Variants in MYRF observed in about 807,000 individuals in gnomAD.
MYRF encodes myelin regulatory factor.
Under a neutral mutation model 126.3 loss-of-function variants are expected in MYRF, and 16 were observed. The ratio of observed to expected loss-of-function variants is 0.13; its 90% confidence interval spans 0.09 to 0.19. MYRF has a LOEUF of 0.19. Among genes scored for constraint, MYRF ranks in the 10% least tolerant of loss-of-function variants. The probability of loss-of-function intolerance (pLI) is 1.00; values close to 1 mark genes in which losing one functional copy is unlikely to be tolerated. For missense variants in MYRF, 1,104 were observed against 1,547.0 expected, an observed-to-expected ratio of 0.71 and a Z score of 4.80; for synonymous variants, 608 against 635.3, an observed-to-expected ratio of 0.96 and a Z score of 0.65.
Position 61,776,329 on chromosome 11 carries a change from C to T in MYRF, c.1396C>T (p.Leu466=). ...CCTGCCTCTCCTCTGCAGGGTCAATCTGCCCCCTGAGCAGGTCACGAAGGT... is the reference window on the plus strand; with the variant it reads ...CCTGCCTCTCCTCTGCAGGGTCAATTTGCCCCCTGAGCAGGTCACGAAGGT... ...KRPFNPVTVN[L]PPEQVTKVTV... is the part of the protein sequence containing the mutation. The change falls in exon 10 of 27, where the codon CTG becomes TTG. Residue 466 remains leucine, a synonymous_variant. Transcript: ENST00000278836. The surrounding 1 kb of genome is among the most constrained non-coding windows in gnomAD (Gnocchi z 4.3). 1 of 1,612,546 alleles carries T rather than the reference C, an allele frequency of 6.2e-7. No individual in the cohort carries two copies. The highest frequency in any genetic ancestry group is 8.5e-7 in the Non-Finnish European group (1 of 1,179,516).
chr11:61,761,259 T>TGGC (rs1555053515), intron 1 of MYRF, among the ~76,000 whole-genome samples: 1,295 of 78,280 alleles, frequency 0.017, 19 homozygotes, highest in Middle Eastern at 0.14. Flanking sequence ...CCACAGCTGG[T>TGGC]GGGGGGGGGG....
At position 61,786,387 on chromosome 11, in the gene MYRF, A is replaced by T. The variant is rs1044394673; in HGVS notation, c.*244A>T. The T allele has an allele frequency of 3.2e-5, 18 of 566,338 alleles. No homozygotes were observed. The highest frequency in any genetic ancestry group is 1.2e-4 in the South Asian group (6 of 49,422). 35.1% of individuals were successfully genotyped at this position (566,338 alleles called of 1,614,324 possible). ...TGGGCCTTCCTGCCTGCCACCCCCTAGGGGCCAGGACAGGACCAGTTTACC... is the reference window on the plus strand; with the variant it reads ...TGGGCCTTCCTGCCTGCCACCCCCTTGGGGCCAGGACAGGACCAGTTTACC... On this transcript the variant is annotated 3_prime_UTR_variant, in exon 27 of 27. Transcript: ENST00000278836. This position sits in a 1 kb window ranked among gnomAD's most constrained non-coding sequence, Gnocchi z 4.5.
At chr11:61,760,809 T>C (rs2065875826) in intron 1 of MYRF, among the ~76,000 whole-genome samples, 2 of 152,152 alleles carry the variant, frequency 1.3e-5, no homozygotes, top group African/African-American at 4.8e-5. Flanking sequence ...GTCATAGCCA[T>C]CAAGTGGGAA....
Position 61,776,746 on chromosome 11 carries a change from G to C in MYRF, c.1500-41G>C, listed in dbSNP as rs1055093633. 2 of 1,494,258 alleles carry C rather than the reference G, an allele frequency of 1.3e-6. No individual in the cohort carries two copies. Among genetic ancestry groups the C allele is most frequent in the Admixed American group, 4.1e-5 (2 of 48,928 alleles). 92.6% of individuals were successfully genotyped at this position (1,494,258 alleles called of 1,614,324 possible). Reference sequence around the variant, plus strand: ...AGGGAAAGGGTGGCCCTGGGGGCGGGGGCAGGCCATGAGTACTTCTGAGAC... The same window carrying C: ...AGGGAAAGGGTGGCCCTGGGGGCGGCGGCAGGCCATGAGTACTTCTGAGAC... On this transcript the variant is annotated intron_variant, in intron 10 of 26. Coordinates refer to ENST00000278836, the MANE Select transcript of MYRF (RefSeq NM_001127392.3). The surrounding 1 kb of genome is among the most constrained non-coding windows in gnomAD (Gnocchi z 4.3).
In MYRF at chr11:61,778,941, C is replaced by G; in HGVS notation, c.2014-322C>G. ...TGCTGACATCTGAGACACCAGTCAT[C>G]CGAGGGGCAGATCCCGGGGCTGCAG... On this transcript the variant is annotated intron_variant, in intron 14 of 26. Transcript: ENST00000278836. The surrounding 1 kb of genome is among the most constrained non-coding windows in gnomAD (Gnocchi z 4.6). 1.7e-6 allele frequency: 1 copy of G among 599,884 alleles called. No homozygotes were observed. Among genetic ancestry groups the G allele is most frequent in the East Asian group, 3.6e-5 (1 of 27,488 alleles). 37.2% of individuals were successfully genotyped at this position (599,884 alleles called of 1,614,324 possible).
chr11:61,762,358 A>C (rs12224732), intron 1 of MYRF, among the ~76,000 whole-genome samples: 44,474 of 152,092 alleles, frequency 0.29, 7,064 homozygotes, highest in Admixed American at 0.41. Context: ...CTGGTTTGTG[A>C]GCTCATGGTG....
chr11:61,766,572 G>A (rs1434471016), intron 3 of MYRF: 5 of 280,892 alleles, frequency 1.8e-5, no homozygotes, highest in Non-Finnish European at 3.4e-5. Context: ...GTGCACGCGC[G>A]CCAAGCCCAC....
At position 61,776,304 on chromosome 11, in the gene MYRF, C is replaced by G. The variant is rs1400213797; in HGVS notation, c.1389-18C>G. ...GCCTCCCTCCCTGCCCCCTGAGCAC[C>G]CTGCCTCTCCTCTGCAGGGTCAATC... On this transcript the variant is annotated intron_variant, in intron 9 of 26. Coordinates refer to ENST00000278836, the MANE Select transcript of MYRF (RefSeq NM_001127392.3). This position sits in a 1 kb window ranked among gnomAD's most constrained non-coding sequence, Gnocchi z 4.3. 1 of 1,605,094 alleles carries G rather than the reference C, an allele frequency of 6.2e-7. No homozygotes were observed. The highest frequency in any genetic ancestry group is 1.7e-5 in the Admixed American group (1 of 59,364).
At chr11:61,773,062 A>G (rs1243725673) in intron 7 of MYRF, among the ~76,000 whole-genome samples, 1 of 149,180 alleles carries the variant, frequency 6.7e-6, no homozygotes, top group African/African-American at 2.5e-5. Context: ...CTGGAGTGCA[A>G]TGGCATGATC....
chr11:61,770,142 G>T, intron 4 of MYRF, 104 bp from the exon 5 acceptor site: 2 of 1,223,132 alleles, frequency 1.6e-6, no homozygotes, highest in Non-Finnish European at 2.2e-6. Flanking sequence ...CCCGGGCTTG[G>T]CTCAGGACGG....
chr11:61,769,568 G>A (rs773869072), intron 4 of MYRF, among the ~76,000 whole-genome samples: 34 of 152,196 alleles, frequency 2.2e-4, no homozygotes, highest in African/African-American at 2.9e-4. Flanking sequence ...CATCATGGAC[G>A]CACCCTTCGG....
At chr11:61,785,613 G>A in intron 25 of MYRF, 187 bp from the exon 26 acceptor site, 1 of 610,034 alleles carries the variant, frequency 1.6e-6, no homozygotes, top group South Asian at 1.9e-5. Context: ...GGCACGGTCT[G>A]CATGGAGTAG....
intron 26 of MYRF, 40 bp downstream of exon 26, chr11:61,785,914 C>T (rs1312480531): frequency 1.9e-6 from 3 of 1,600,258 alleles, no homozygotes. Context: ...GGTCTGGGCA[C>T]CCCTGTCTGC....
chr11:61,770,150 C>T lies in MYRF; in HGVS notation c.461-96C>T, dbSNP rs961161015. 172 of 1,285,222 alleles carry T rather than the reference C, an allele frequency of 1.3e-4. No individual in the cohort carries two copies. In the East Asian group the frequency reaches 3.8e-3, roughly 28 times the overall value. The allele number at this position is 1,285,222 out of a possible 1,614,324, so 79.6% of individuals were successfully genotyped here. A position where few individuals can be genotyped will look rare whatever the true frequency, so the allele number is the denominator to read the frequency against. On this transcript the variant is annotated intron_variant, in intron 4 of 26. Coordinates refer to ENST00000278836, the MANE Select transcript of MYRF (RefSeq NM_001127392.3). ...GGCAGCCCCCGGGCTTGGCTCAGGA[C>T]GGGGTGGAAGCAGGAGACTCTGCCT... is the stretch of plus-strand genomic sequence containing the variant.
chr11:61,768,144 A>T (rs2066116056), intron 3 of MYRF, among the ~76,000 whole-genome samples: 1 of 151,588 alleles, frequency 6.6e-6, no homozygotes, highest in Non-Finnish European at 1.5e-5. Context: ...GAAAGAAAAG[A>T]AAAAAAACAG....
Position 61,763,200 on chromosome 11 carries a change from C to T in MYRF, c.47-2425C>T, listed in dbSNP as rs1339358888. ...ACAGCAACCGCCAGTCACACTCTCC[C>T]TCGTGGAGTCAGACCCCTGCACCTG... On this transcript the variant is annotated intron_variant, in intron 1 of 26. Transcript: ENST00000278836. 3.3e-5 allele frequency among the ~76,000 whole-genome samples: 5 copies of T among 152,348 alleles called. No homozygotes were observed. The East Asian group carries it at 9.6e-4, about 29-fold the overall frequency.
rs113769165 is a variant in MYRF, at chr11:61,760,749, G to A, written c.47-4876G>A. The stretch of plus-strand genomic sequence containing the variant: ...AAGGTTCACTCCATGGCAGGGATTC[G>A]TGCTCCATCTGATGGAGAAGGAAGC... On this transcript the variant is annotated intron_variant, in intron 1 of 26. Transcript: ENST00000278836. Among the ~76,000 whole-genome samples, 23 of 152,264 alleles carry A rather than the reference G, an allele frequency of 1.5e-4. 1 individual carries two copies. The highest frequency in any genetic ancestry group is 5.3e-4 in the African/African-American group (22 of 41,552).
chr11:61,766,080 G>C lies in MYRF; in HGVS notation c.257G>C (p.Arg86Pro), dbSNP rs890374644. The C allele has an allele frequency of 6.2e-7, 1 of 1,605,842 alleles. No homozygotes were observed. Among genetic ancestry groups the C allele is most frequent in the South Asian group, 1.1e-5 (1 of 90,926 alleles). ...CCTGGGGGTGGACCCTCCCCGGGGC[G>C]CCATGGTCCCCTCCCACCCCCGGGC... is the stretch of plus-strand genomic sequence containing the variant. ...SPPGGGPSPG[R>P]HGPLPPPGYG... is the part of the protein sequence containing the mutation. The change falls in exon 3 of 27, where the codon CGC becomes CCC. Residue 86 changes from arginine (R) to proline (P), a missense_variant. Transcript: ENST00000278836.
At position 61,784,396 on chromosome 11, in the gene MYRF, C is replaced by T. The variant is rs972528174; in HGVS notation, c.3300+11C>T. ...CACCAGGACACCCAGGTAGGTGGGA[C>T]TGGGAAGCTGCGGGCCGGCCAGGCC... On this transcript the variant is annotated intron_variant, in intron 25 of 26. Coordinates refer to ENST00000278836, the MANE Select transcript of MYRF (RefSeq NM_001127392.3). 3 of 1,608,232 alleles carry T rather than the reference C, an allele frequency of 1.9e-6. No homozygotes were observed. The highest frequency in any genetic ancestry group is 1.7e-6 in the Non-Finnish European group (2 of 1,176,026).
Sources: allele counts gnomAD v4.1 joint callset (sites outside exome capture counted in the v4.1 genomes callset), GRCh38; gene constraint gnomAD v4.1.1; non-coding constraint Gnocchi (gnomAD v3.1); transcripts MANE v1.5; gene names NCBI Gene and HGNC (gene_info 2026-07-23, HGNC 2026-07-21).